Variants in TENM2 observed in about 807,000 individuals in gnomAD.
The protein encoded by TENM2 is teneurin-2.
Under a neutral mutation model 245.2 loss-of-function variants are expected in TENM2, and 52 were observed. That is an observed-to-expected ratio of 0.21 (90% CI 0.17 to 0.27). The LOEUF is 0.27. Among genes scored for constraint, TENM2 ranks in the 10% least tolerant of loss-of-function variants. TENM2 has a pLI of 1.00. For missense variants in TENM2, 3,046 were observed against 3,666.8 expected (o/e 0.83, Z 4.37); for synonymous variants, 1,363 against 1,438.9 (o/e 0.95, Z 1.19).
At chr5:167,438,605 G>A (rs139457658) in intron 2 of TENM2, among the ~76,000 whole-genome samples, 1 of 152,146 alleles carries the variant, frequency 6.6e-6, no homozygotes, top group East Asian at 2.0e-4. Flanking sequence ...CACGCTGTTA[G>A]CCAGGATGGT....
At chr5:166,997,220 C>G in the TENM2 span, among the ~76,000 whole-genome samples, 9 of 152,156 alleles carry the variant, frequency 5.9e-5, no homozygotes, top group African/African-American at 2.2e-4. Context: ...TAAACCGCTT[C>G]AATATGAGGT....
the TENM2 span, among the ~76,000 whole-genome samples, chr5:167,021,772 T>C: frequency 6.6e-6 from 1 of 152,216 alleles, no homozygotes; most frequent in Non-Finnish European, 1.5e-5. Flanking sequence ...AAATAGGCTC[T>C]GGAGCCAGAA....
chr5:167,360,240 A>T (rs911274707), intron 1 of TENM2, among the ~76,000 whole-genome samples: 2 of 152,182 alleles, frequency 1.3e-5, no homozygotes, highest in African/African-American at 4.8e-5. Context: ...TATCGCCCTA[A>T]AAAAGGTGTC....
intron 1 of TENM2, among the ~76,000 whole-genome samples, chr5:167,349,949 A>G (rs1758719663): frequency 6.6e-6 from 1 of 152,212 alleles, no homozygotes; most frequent in Admixed American, 6.5e-5. Context: ...ATATTTAGGA[A>G]TACTTGAATT....
chr5:168,120,570 C>G (rs568312209), intron 10 of TENM2, among the ~76,000 whole-genome samples: 1 of 152,314 alleles, frequency 6.6e-6, no homozygotes, highest in South Asian at 2.1e-4. Context: ...TCAACTTTCT[C>G]ACTATCCCAC....
the TENM2 span, among the ~76,000 whole-genome samples, chr5:167,167,597 C>T: frequency 6.6e-6 from 1 of 152,156 alleles, no homozygotes; most frequent in Non-Finnish European, 1.5e-5. Flanking sequence ...CTCTGGGAGG[C>T]CTGCCAGGAT....
At chr5:168,128,792 C>T (rs1796033577) in intron 12 of TENM2, 1 of 152,208 alleles carries the variant, frequency 6.6e-6, no homozygotes, top group Admixed American at 6.5e-5. Flanking sequence ...AAACTATTTC[C>T]TGGCACGTGA....
At chr5:167,086,346 C>T in the TENM2 span, among the ~76,000 whole-genome samples, 3 of 152,130 alleles carry the variant, frequency 2.0e-5, no homozygotes, top group Non-Finnish European at 4.4e-5. Context: ...TTAGAGAAGT[C>T]GCTGGGATTC....
the TENM2 span, among the ~76,000 whole-genome samples, chr5:167,058,381 A>G: frequency 6.6e-6 from 1 of 152,212 alleles, no homozygotes; most frequent in South Asian, 2.1e-4. Flanking sequence ...GATGACTTTT[A>G]CAAACTCTGA....
At chr5:167,550,574 C>T (rs570893361) in intron 2 of TENM2, among the ~76,000 whole-genome samples, 60 of 152,218 alleles carry the variant, frequency 3.9e-4, no homozygotes, top group Non-Finnish European at 7.8e-4. Context: ...TGATCTGTGG[C>T]CTGGCAGTAT....
chr5:167,018,391 T>A, the TENM2 span, among the ~76,000 whole-genome samples: 82 of 151,452 alleles, frequency 5.4e-4, no homozygotes, highest in Non-Finnish European at 8.0e-4. Context: ...TTTTTTTTTT[T>A]ATGCCACTAA....
chr5:167,581,252 C>T (rs1015210799), intron 2 of TENM2, among the ~76,000 whole-genome samples: 2 of 152,140 alleles, frequency 1.3e-5, no homozygotes, highest in African/African-American at 2.4e-5. Context: ...AGCAATAAAA[C>T]ATATGCTATA....
chr5:167,103,004 G>A, the TENM2 span, among the ~76,000 whole-genome samples: 1 of 152,094 alleles, frequency 6.6e-6, no homozygotes, highest in Non-Finnish European at 1.5e-5. Context: ...GATCTGTAAG[G>A]CTCTTCATTT....
the TENM2 span, among the ~76,000 whole-genome samples, chr5:167,104,733 C>G: frequency 6.6e-6 from 1 of 152,106 alleles, no homozygotes; most frequent in African/African-American, 2.4e-5. Flanking sequence ...AAGAAGAAGT[C>G]ATATACCTTG....
chr5:168,061,925 A>G (rs941776001), intron 6 of TENM2, 135 bp from the exon 9 acceptor site: 4 of 814,878 alleles, frequency 4.9e-6, no homozygotes, highest in Non-Finnish European at 5.6e-6. Context: ...TGTAACTTAA[A>G]AAGAAACTTG....
At position 167,751,933 on chromosome 5, in the gene TENM2, C is replaced by T. The variant is rs191078191; in HGVS notation, c.503-124053C>T. Among the ~76,000 whole-genome samples, 10 of 150,452 alleles carry T rather than the reference C, an allele frequency of 6.6e-5. No homozygotes were observed. In the East Asian group the frequency reaches 1.4e-3, roughly 21 times the overall value. On this transcript the variant is annotated intron_variant, in intron 2 of 28. Coordinates refer to ENST00000518659, the Ensembl canonical transcript of TENM2. The stretch of plus-strand genomic sequence containing the variant: ...AGACAAGTCTGTCTTCTTGAGGACG[C>T]GTAGTTTCTGTGAAAATAATACACA...
intron 7 of TENM2, among the ~76,000 whole-genome samples, chr5:168,068,111 G>A (rs949852174): frequency 2.0e-5 from 3 of 152,114 alleles, no homozygotes; most frequent in Non-Finnish European, 4.4e-5. Flanking sequence ...AACTGAAACT[G>A]CCATCTGAGT....
At chr5:167,715,912 G>T (rs558568136) in intron 2 of TENM2, among the ~76,000 whole-genome samples, 1 of 152,128 alleles carries the variant, frequency 6.6e-6, no homozygotes. Flanking sequence ...TTTTTTAAGC[G>T]ACTGAACATG....
intron 2 of TENM2, among the ~76,000 whole-genome samples, chr5:167,807,190 C>A (rs898728422): frequency 7.4e-6 from 1 of 134,330 alleles, no homozygotes; most frequent in Non-Finnish European, 1.5e-5. Flanking sequence ...TCGGGATATT[C>A]CAAGGGTTTT....
Sources: gnomAD v4.1 joint callset for allele counts (sites outside exome capture counted in the v4.1 genomes callset) on GRCh38, gnomAD v4.1.1 for gene constraint, MANE v1.5 for transcripts, NCBI Gene and HGNC (gene_info 2026-07-23, HGNC 2026-07-21) for gene names.